Variants in PDE4D observed in about 807,000 individuals in gnomAD.
The protein encoded by PDE4D is 3',5'-cyclic-AMP phosphodiesterase 4D.
In PDE4D, 24 loss-of-function variants were observed where a neutral mutation model predicts 87.4. That is an observed-to-expected ratio of 0.27 (90% confidence interval 0.20 to 0.39). The LOEUF is 0.39. Ranked by LOEUF, PDE4D falls within the 10% of genes least tolerant of loss-of-function variation. The pLI, the probability that PDE4D is intolerant of heterozygous loss-of-function variation, is 1.00. For synonymous variants in PDE4D, 384 were observed against 383.2 expected, an observed-to-expected ratio of 1.00 and a Z score of -0.02; for missense variants, 714 against 1,041.0, an observed-to-expected ratio of 0.69 and a Z score of 4.32.
chr5:59,158,412 G>A (rs1423410390), intron 5 of PDE4D, among the ~76,000 whole-genome samples: 1 of 152,134 alleles, frequency 6.6e-6, no homozygotes, highest in East Asian at 1.9e-4. Flanking sequence ...GTTGCTCTGG[G>A]CAACCATCAA....
intron 1 of PDE4D, among the ~76,000 whole-genome samples, chr5:60,407,416 T>C (rs1741634758): frequency 6.6e-6 from 1 of 150,568 alleles, no homozygotes; most frequent in African/African-American, 2.4e-5. Context: ...CTTTCATCCT[T>C]ACATTTGTAT....
intron 1 of PDE4D, among the ~76,000 whole-genome samples, chr5:59,298,699 A>T (rs1397763948): frequency 1.3e-5 from 2 of 152,210 alleles, no homozygotes; most frequent in Non-Finnish European, 2.9e-5. Context: ...GGATCTCAGA[A>T]GATGATTACT....
intron 5 of PDE4D, chr5:59,091,230 C>A: frequency 2.4e-6 from 1 of 415,694 alleles, no homozygotes; most frequent in Non-Finnish European, 4.8e-6. Context: ...ATGCTTTCTG[C>A]TTATCTGCTG....
intron 1 of PDE4D, among the ~76,000 whole-genome samples, chr5:60,481,538 G>T (rs1007817128): frequency 1.3e-5 from 2 of 152,094 alleles, no homozygotes; most frequent in Non-Finnish European, 2.9e-5. Context: ...TTACTTTATA[G>T]CAGTTTTCCC....
intron 1 of PDE4D, among the ~76,000 whole-genome samples, chr5:60,434,039 A>G (rs949449805): frequency 6.6e-6 from 1 of 152,156 alleles, no homozygotes; most frequent in African/African-American, 2.4e-5. Flanking sequence ...TTTATCTATT[A>G]GAGCAAACTT....
intron 1 of PDE4D, among the ~76,000 whole-genome samples, chr5:59,699,668 T>C (rs1368948885): frequency 6.6e-6 from 1 of 152,166 alleles, no homozygotes; most frequent in Admixed American, 6.6e-5. Context: ...AATGATGATT[T>C]GGTGATCAAA....
At position 58,973,406 on chromosome 5, in the gene PDE4D, T is replaced by TTCTTAC. The variant is rs1310032828; in HGVS notation, c.*1252_*1257dup. 2 of 150,814 alleles carry TTCTTAC rather than the reference T, an allele frequency of 1.3e-5. No homozygotes were observed. The highest frequency in any genetic ancestry group is 4.8e-5 in the African/African-American group (2 of 41,344). 9.3% of individuals were successfully genotyped at this position (150,814 alleles called of 1,614,324 possible). A position where few individuals can be genotyped will look rare whatever the true frequency, so the allele number is the denominator to read the frequency against. On this transcript the variant is annotated 3_prime_UTR_variant, in exon 15 of 15. Coordinates refer to ENST00000340635, the MANE Select transcript of PDE4D (RefSeq NM_001104631.2). The stretch of plus-strand genomic sequence containing the variant: ...AAGCAGCACAAGGGGAAAAACCTTT[T>TTCTTAC]TCTTACTATAACTGGCTGTAAAAAC...
At chr5:59,910,238 G>A (rs895089823) in intron 3 of PDE4D, among the ~76,000 whole-genome samples, 1 of 152,118 alleles carries the variant, frequency 6.6e-6, no homozygotes, top group African/African-American at 2.4e-5. Flanking sequence ...GTTCCTGAGT[G>A]TAAGAACATT....
rs1302442145 is a variant in PDE4D at position 59,172,102 on chromosome 5, TTATATATATAATAAATATATATTA to T, written c.808+8469_808+8492del. ...ATATTATATATATAATAAATATATA[TTATATATATAATAAATATATATTA>T]TATATATAATAAATATATAATATTA... On this transcript the variant is annotated intron_variant, in intron 5 of 14. Transcript: ENST00000340635. Among the ~76,000 whole-genome samples, 27 of 60,382 alleles carry T rather than the reference TTATATATATAATAAATATATATTA, an allele frequency of 4.5e-4. 1 individual carries two copies. In the East Asian group the frequency reaches 0.011, roughly 25 times the overall value. 39.6% of individuals were successfully genotyped at this position (60,382 alleles called of 152,430 possible).
In PDE4D at chr5:59,338,294, C is replaced by T. The variant is rs1158370227; in HGVS notation, c.456-122326G>A. Among the ~76,000 whole-genome samples, 3 of 152,154 alleles carry T rather than the reference C, an allele frequency of 2.0e-5. No homozygotes were observed. The East Asian group carries it at 5.8e-4, about 29-fold the overall frequency. The stretch of plus-strand genomic sequence containing the variant: ...CTCATGCTATATGGCACAGCAGAAA[C>T]AGAATCTCAAACTAGTATTTAGGCC... On this transcript the variant is annotated intron_variant, in intron 1 of 14. Coordinates refer to ENST00000340635, the MANE Select transcript of PDE4D (RefSeq NM_001104631.2).
At chr5:59,010,459 T>C (rs1752558524) in intron 6 of PDE4D, among the ~76,000 whole-genome samples, 1 of 152,220 alleles carries the variant, frequency 6.6e-6, no homozygotes, top group Non-Finnish European at 1.5e-5. Context: ...CTTTTTTGTT[T>C]TATTTTTATT....
chr5:60,034,105 G>A (rs1363459439), intron 2 of PDE4D, among the ~76,000 whole-genome samples: 1 of 152,140 alleles, frequency 6.6e-6, no homozygotes, highest in Non-Finnish European at 1.5e-5. Flanking sequence ...GCAATGATGT[G>A]GGAGATAGGA....
chr5:60,031,137 G>T (rs577216383), intron 2 of PDE4D, among the ~76,000 whole-genome samples: 197 of 152,326 alleles, frequency 1.3e-3, no homozygotes, highest in Non-Finnish European at 2.4e-3. Context: ...TCAGAGATAT[G>T]AATTTTCCTT....
chr5:59,017,691 A>G (rs10043671), intron 6 of PDE4D, among the ~76,000 whole-genome samples: 15,662 of 152,208 alleles, frequency 0.1, 1,051 homozygotes, highest in Non-Finnish European at 0.13. Context: ...TAGTCCAATA[A>G]TTTGGAATAT....
intron 2 of PDE4D, among the ~76,000 whole-genome samples, chr5:60,079,971 T>C (rs1189437246): frequency 1.3e-5 from 2 of 152,248 alleles, no homozygotes; most frequent in African/African-American, 2.4e-5. Context: ...TTGGGCAGTA[T>C]GGTCATTTTC....
chr5:59,053,927 AT>A (rs1407769785), intron 5 of PDE4D, among the ~76,000 whole-genome samples: 1 of 151,694 alleles, frequency 6.6e-6, no homozygotes, highest in Non-Finnish European at 1.5e-5. Flanking sequence ...AAAGAAAAAA[AT>A]TTTTTTCCAT....
intron 1 of PDE4D, among the ~76,000 whole-genome samples, chr5:60,342,001 A>C (rs1242950809): frequency 6.6e-6 from 1 of 152,218 alleles, no homozygotes; most frequent in East Asian, 1.9e-4. Flanking sequence ...ATGCAAGAGA[A>C]ACAGTTTCAA....
chr5:60,370,058 T>C (rs143779574), intron 1 of PDE4D, among the ~76,000 whole-genome samples: 6 of 152,310 alleles, frequency 3.9e-5, no homozygotes, highest in African/African-American at 1.4e-4. Context: ...AGAGAACCCC[T>C]GCAGGATTTA....
At position 58,969,742 on chromosome 5, in the gene PDE4D, AG is replaced by A. The variant is rs1471770952; in HGVS notation, c.*4921del. On this transcript the variant is annotated 3_prime_UTR_variant, in exon 15 of 15. Coordinates refer to ENST00000340635, the MANE Select transcript of PDE4D (RefSeq NM_001104631.2). ...TATTGTTGAGTCCTTAAAACTTTGT[AG>A]TTTGCGGAGTAGGTAACCAAAAATA... 5.3e-5 allele frequency: 8 copies of A among 152,190 alleles called. No homozygotes were observed. Among genetic ancestry groups the A allele is most frequent in the Admixed American group, 5.2e-4 (8 of 15,280 alleles). The allele number at this position is 152,190 out of a possible 1,614,324, so 9.4% of individuals were successfully genotyped here.
Sources: allele counts gnomAD v4.1 joint callset (sites outside exome capture counted in the v4.1 genomes callset), GRCh38; gene constraint gnomAD v4.1.1; transcripts MANE v1.5; gene names NCBI Gene and HGNC (gene_info 2026-07-23, HGNC 2026-07-21).